JADE1: variants seen among roughly 807,000 people sequenced by gnomAD.
JADE1 encodes the protein jade family PHD finger 1, also known as protein Jade-1.
JADE1 carries 14 observed loss-of-function variants against 81.8 expected under a neutral mutation model. That is an observed-to-expected ratio of 0.17 (90% CI 0.11 to 0.27). The LOEUF is 0.27. JADE1 is among the 10% of genes least tolerant of loss of function. The probability of loss-of-function intolerance (pLI) is 1.00; values close to 1 mark genes in which losing one functional copy is unlikely to be tolerated. For missense variants in JADE1, 690 were observed against 1,047.9 expected (o/e 0.66, Z 4.71); for synonymous variants, 353 against 391.9 (o/e 0.90, Z 1.17).
At chr4:128,815,546 G>C (rs1324621935) in intron 1 of JADE1, among the ~76,000 whole-genome samples, 4 of 152,208 alleles carry the variant, frequency 2.6e-5, no homozygotes, top group Admixed American at 6.5e-5. Context: ...CTGCTTGCTT[G>C]ATGTTACTTT....
At chr4:128,855,819 T>C in intron 7 of JADE1, 22 bp downstream of exon 7, 3 of 1,544,182 alleles carry the variant, frequency 1.9e-6, no homozygotes, top group Non-Finnish European at 2.6e-6. Context: ...TCTTTTTTTG[T>C]TGTTTTTACT....
intron 2 of JADE1, among the ~76,000 whole-genome samples, chr4:128,840,520 TC>T (rs1220328209): frequency 1.3e-5 from 2 of 152,164 alleles, no homozygotes; most frequent in Non-Finnish European, 2.9e-5. Flanking sequence ...GATAATTCCA[TC>T]CAGACACTGC....
Position 128,871,284 on chromosome 4 carries a change from G to T in JADE1, c.1622-71G>T. 1 of 1,403,486 alleles carries T rather than the reference G, an allele frequency of 7.1e-7. No individual in the cohort carries two copies. Among genetic ancestry groups the T allele is most frequent in the Non-Finnish European group, 9.8e-7 (1 of 1,019,512 alleles). 86.9% of individuals were successfully genotyped at this position (1,403,486 alleles called of 1,614,324 possible). A position where few individuals can be genotyped will look rare whatever the true frequency, so the allele number is the denominator to read the frequency against. ...TTCACATCAATTGGGCCACACTAAG[G>T]GTGTAGAATTTTATTCTTTTGGATT... On this transcript the variant is annotated intron_variant, in intron 10 of 10. Coordinates refer to ENST00000226319, the MANE Select transcript of JADE1 (RefSeq NM_199320.4). This position sits in a 1 kb window ranked among gnomAD's most constrained non-coding sequence, Gnocchi z 4.1.
In JADE1 at chr4:128,874,200, T is replaced by C. The variant is rs1238504945; in HGVS notation, c.*1938T>C. 1 of 152,640 alleles carries C rather than the reference T, an allele frequency of 6.6e-6. No homozygotes were observed. The highest frequency in any genetic ancestry group is 1.5e-5 in the Non-Finnish European group (1 of 68,030). The allele number at this position is 152,640 out of a possible 1,614,324, so 9.5% of individuals were successfully genotyped here. On this transcript the variant is annotated 3_prime_UTR_variant, in exon 11 of 11. Transcript: ENST00000226319. ...TTGCATATGAGCAAAAACCTTTTGC[T>C]GGATACAGGAGAAGGTTGGACTTTA...
chr4:128,862,438 GTT>G lies in JADE1; in HGVS notation c.1503+225_1503+226del, dbSNP rs368731069. The G allele has an allele frequency of 6.4e-3, 6,991 of 1,096,546 alleles. 159 individuals are homozygous for G. In the African/African-American group the frequency reaches 0.082, roughly 13 times the overall value. The allele number at this position is 1,096,546 out of a possible 1,614,324, so 67.9% of individuals were successfully genotyped here. Reference sequence around the variant, plus strand: ...CTACTGAGTGGGGAGCTTCTTTGTGGTTTTTTTTTTTTTAAAAACACTTTCCC... The same window carrying G: ...CTACTGAGTGGGGAGCTTCTTTGTGGTTTTTTTTTTTAAAAACACTTTCCC... On this transcript the variant is annotated intron_variant, in intron 9 of 10. Coordinates refer to ENST00000226319, the MANE Select transcript of JADE1 (RefSeq NM_199320.4).
At chr4:128,864,627 T>G in intron 9 of JADE1, 4 of 984,122 alleles carry the variant, frequency 4.1e-6, no homozygotes, top group Non-Finnish European at 4.8e-6. Flanking sequence ...CAATCATTAC[T>G]ACCAACTTGT....
chr4:128,837,431 CTTTG>C (rs1247007839), intron 2 of JADE1, among the ~76,000 whole-genome samples: 3 of 152,106 alleles, frequency 2.0e-5, no homozygotes, highest in Non-Finnish European at 4.4e-5. Context: ...TGTATGATGC[CTTTG>C]TTTGTTGGAA....
At chr4:128,864,106 C>T (rs1396267714) in intron 9 of JADE1, 1 of 984,060 alleles carries the variant, frequency 1.0e-6, no homozygotes, top group Non-Finnish European at 1.2e-6. Context: ...CTTACATTTA[C>T]TTTATTAAAA....
chr4:128,872,412 T>C lies in JADE1; in HGVS notation c.*150T>C. The C allele has an allele frequency of 1.5e-6, 1 of 660,860 alleles. No homozygotes were observed. Among genetic ancestry groups the C allele is most frequent in the Non-Finnish European group, 2.5e-6 (1 of 398,816 alleles). The allele number at this position is 660,860 out of a possible 1,614,324, so 40.9% of individuals were successfully genotyped here. A position where few individuals can be genotyped will look rare whatever the true frequency, so the allele number is the denominator to read the frequency against. On this transcript the variant is annotated 3_prime_UTR_variant, in exon 11 of 11. Coordinates refer to ENST00000226319, the MANE Select transcript of JADE1 (RefSeq NM_199320.4). ...CAGATTAATTTTTTTCCAGAGTCAT[T>C]TTTAAATCATTTTTGTGAGAAGTTT...
rs1388257243 is a variant in JADE1, at chr4:128,872,875, A to G, written c.*613A>G. Reference sequence around the variant, plus strand: ...TCATTATTGAAGAAGCTGAGGGGACAGGGTAGAGCTGCTGCAATATGGAGA... The same window carrying G: ...TCATTATTGAAGAAGCTGAGGGGACGGGGTAGAGCTGCTGCAATATGGAGA... On this transcript the variant is annotated 3_prime_UTR_variant, in exon 11 of 11. Coordinates refer to ENST00000226319, the MANE Select transcript of JADE1 (RefSeq NM_199320.4). 2.2e-6 allele frequency: 1 copy of G among 454,158 alleles called. No homozygotes were observed. Among genetic ancestry groups the G allele is most frequent in the Non-Finnish European group, 4.4e-6 (1 of 225,390 alleles). The allele number at this position is 454,158 out of a possible 1,614,324, so 28.1% of individuals were successfully genotyped here. A position where few individuals can be genotyped will look rare whatever the true frequency, so the allele number is the denominator to read the frequency against.
At chr4:128,828,537 A>G (rs548521087) in intron 1 of JADE1, among the ~76,000 whole-genome samples, 39 of 127,314 alleles carry the variant, frequency 3.1e-4, no homozygotes, top group African/African-American at 9.3e-4. Flanking sequence ...AAGCAAATAC[A>G]GCACTCTCAA....
chr4:128,830,452 T>C (rs1444793290), intron 1 of JADE1, among the ~76,000 whole-genome samples: 1 of 152,144 alleles, frequency 6.6e-6, no homozygotes, highest in East Asian at 1.9e-4. Flanking sequence ...CAGGCTGGTC[T>C]CCAACTCCTG....
At chr4:128,863,317 A>G (rs1162826042) in intron 9 of JADE1, 3 of 985,394 alleles carry the variant, frequency 3.0e-6, no homozygotes, top group Non-Finnish European at 3.6e-6. Context: ...GCTGCTGGCT[A>G]CCGATTAAAT....
intron 2 of JADE1, among the ~76,000 whole-genome samples, chr4:128,840,562 T>C (rs898890523): frequency 2.6e-5 from 4 of 152,198 alleles, no homozygotes; most frequent in Non-Finnish European, 4.4e-5. Context: ...TCTTTCAGGC[T>C]GTGGACCGGC....
At chr4:128,853,904 C>G (rs1016771721) in intron 6 of JADE1, among the ~76,000 whole-genome samples, 1 of 152,172 alleles carries the variant, frequency 6.6e-6, no homozygotes, top group Non-Finnish European at 1.5e-5. Flanking sequence ...CAGTCATCGC[C>G]GTCTGTTGCT....
At chr4:128,869,642 G>A (rs901916760) in intron 10 of JADE1, among the ~76,000 whole-genome samples, 1 of 152,198 alleles carries the variant, frequency 6.6e-6, no homozygotes, top group East Asian at 1.9e-4. Context: ...CTGGGTGAGC[G>A]AATGATATTC....
At chr4:128,834,188 GT>G (rs1338796623) in intron 2 of JADE1, among the ~76,000 whole-genome samples, 1 of 152,190 alleles carries the variant, frequency 6.6e-6, no homozygotes, top group Non-Finnish European at 1.5e-5. Flanking sequence ...GCCCCCGGTA[GT>G]TTAAAGCTAC....
At chr4:128,836,004 C>T (rs564220354) in intron 2 of JADE1, among the ~76,000 whole-genome samples, 18 of 152,262 alleles carry the variant, frequency 1.2e-4, no homozygotes, top group African/African-American at 4.3e-4. Context: ...TTGCAGGCAG[C>T]GTCTGCAGTT....
intron 8 of JADE1, among the ~76,000 whole-genome samples, chr4:128,860,778 T>C (rs1731253625): frequency 6.6e-6 from 1 of 152,196 alleles, no homozygotes; most frequent in Admixed American, 6.5e-5. Flanking sequence ...TTCTTCTGCA[T>C]AGGTTGCTGA....
Sources: gnomAD v4.1 joint callset for allele counts (sites outside exome capture counted in the v4.1 genomes callset) on GRCh38, gnomAD v4.1.1 for gene constraint, Gnocchi (gnomAD v3.1) non-coding constraint, MANE v1.5 for transcripts, NCBI Gene and HGNC (gene_info 2026-07-23, HGNC 2026-07-21) for gene names.